Variants in SHOC2 observed in about 807,000 individuals in gnomAD.
SHOC2 encodes the protein leucine-rich repeat protein SHOC-2.
SHOC2 carries 4 observed loss-of-function variants against 50.2 expected under a neutral mutation model. The observed-to-expected ratio is 0.08, with a 90% CI of 0.04 to 0.18. The LOEUF (loss-of-function observed/expected upper bound fraction) is 0.18, where lower values mean the gene tolerates loss of function less well. Among genes scored for constraint, SHOC2 ranks in the 10% least tolerant of loss-of-function variants. SHOC2 has a pLI of 1.00. For synonymous variants in SHOC2, 218 were observed against 244.5 expected, an observed-to-expected ratio of 0.89 and a Z score of 1.01; for missense variants, 388 against 669.6, an observed-to-expected ratio of 0.58 and a Z score of 4.64.
At chr10:110,977,661 AT>A (rs1359899269) in intron 2 of SHOC2, among the ~76,000 whole-genome samples, 1 of 151,998 alleles carries the variant, frequency 6.6e-6, no homozygotes, top group Non-Finnish European at 1.5e-5. Context: ...ATACAGTTAA[AT>A]TTTTCTGTAG....
Position 111,009,706 on chromosome 10 carries a change from C to A in SHOC2, c.1423-7C>A. 6.6e-7 allele frequency: 1 copy of A among 1,525,818 alleles called. No individual in the cohort carries two copies. Among genetic ancestry groups the A allele is most frequent in the South Asian group, 1.1e-5 (1 of 89,098 alleles). The allele number at this position is 1,525,818 out of a possible 1,614,324, so 94.5% of individuals were successfully genotyped here. On this transcript the variant is annotated splice_region_variant and splice_polypyrimidine_tract_variant and intron_variant, in intron 7 of 8. Coordinates refer to ENST00000369452, the MANE Select transcript of SHOC2 (RefSeq NM_007373.4). ...TGTAACTCTCTTTTATTTTGTAAAT[C>A]TTTTAGAAATTAGTCTTGACAAACA...
intron 1 of SHOC2, among the ~76,000 whole-genome samples, chr10:110,940,940 T>TAGC (rs1847130336): frequency 2.9e-5 from 1 of 33,994 alleles, no homozygotes; most frequent in African/African-American, 1.1e-4. Context: ...TTTTTTTTTT[T>TAGC]TTTTTTTTGT....
chr10:110,933,786 C>T (rs1392166325), intron 1 of SHOC2, among the ~76,000 whole-genome samples: 1 of 152,124 alleles, frequency 6.6e-6, no homozygotes, highest in African/African-American at 2.4e-5. Context: ...TGCACTCCAG[C>T]CTAGACAATG....
At chr10:110,931,996 CAG>C (rs1203873077) in intron 1 of SHOC2, among the ~76,000 whole-genome samples, 2 of 152,056 alleles carry the variant, frequency 1.3e-5, no homozygotes, top group African/African-American at 4.8e-5. Flanking sequence ...AGTGGGAACA[CAG>C]AGGAGGTGGT....
chr10:110,978,207 C>T (rs114342011), intron 2 of SHOC2, among the ~76,000 whole-genome samples: 1,817 of 152,322 alleles, frequency 0.012, 42 homozygotes, highest in African/African-American at 0.042. Flanking sequence ...TCATATATGG[C>T]TGTTGTCTGC....
Position 111,000,492 on chromosome 10 carries a change from A to G in SHOC2, c.919A>G (p.Ser307Gly), listed in dbSNP as rs780755561. ...SAIPRSLAKC[S>G]ALEELNLENN... ...AATACCCAGATCATTAGCAAAATGC[A>G]GTGCACTTGAAGAATTAAATTTAGA... Residue 307 changes from serine to glycine, a missense_variant, in exon 4 of 9, where the codon AGT becomes GGT. This residue lies in a region of SHOC2 where 48 missense variants were observed against 151.6 expected (regional missense o/e 0.32). Transcript: ENST00000369452. 1 of 1,601,230 alleles carries G rather than the reference A, an allele frequency of 6.2e-7. No homozygotes were observed. The highest frequency in any genetic ancestry group is 1.1e-5 in the South Asian group (1 of 90,804).
chr10:110,919,751 G>C (rs1229855662), intron 1 of SHOC2, 94 bp downstream of exon 1: 3 of 396,238 alleles, frequency 7.6e-6, no homozygotes, highest in Non-Finnish European at 1.3e-5. Flanking sequence ...CTGTCGGTAG[G>C]GGGAGGCCCC....
At chr10:110,924,642 CTT>C (rs1343271165) in intron 1 of SHOC2, among the ~76,000 whole-genome samples, 2 of 152,134 alleles carry the variant, frequency 1.3e-5, no homozygotes, top group African/African-American at 4.8e-5. Context: ...TTATTTAAAA[CTT>C]CACCTTCAAC....
chr10:111,007,680 C>T, intron 6 of SHOC2, 27 bp downstream of exon 6: 1 of 1,610,272 alleles, frequency 6.2e-7, no homozygotes, highest in Non-Finnish European at 8.5e-7. Context: ...AATTAGAGAA[C>T]TTCAGAACCT....
At chr10:110,973,750 T>A (rs1847826076) in intron 2 of SHOC2, among the ~76,000 whole-genome samples, 1 of 152,050 alleles carries the variant, frequency 6.6e-6, no homozygotes, top group Non-Finnish European at 1.5e-5. Context: ...TCAGGTTTTC[T>A]ATTTGTTCTC....
At chr10:110,940,586 TATTC>T (rs1245776613) in intron 1 of SHOC2, among the ~76,000 whole-genome samples, 11 of 152,334 alleles carry the variant, frequency 7.2e-5, no homozygotes, top group African/African-American at 2.6e-4. Flanking sequence ...ATTAACAAAT[TATTC>T]AGGTGCTTCT....
At chr10:111,001,157 CTTTTT>C (rs11379743) in intron 4 of SHOC2, among the ~76,000 whole-genome samples, 1 of 129,278 alleles carries the variant, frequency 7.7e-6, no homozygotes, top group African/African-American at 2.9e-5. Context: ...AGATATAATA[CTTTTT>C]TTTTTTTTTT....
chr10:110,929,267 A>G (rs1483689893), intron 1 of SHOC2, among the ~76,000 whole-genome samples: 1 of 152,218 alleles, frequency 6.6e-6, no homozygotes, highest in Non-Finnish European at 1.5e-5. Flanking sequence ...GCAAATTGAT[A>G]ATATTTGAGT....
intron 1 of SHOC2, among the ~76,000 whole-genome samples, chr10:110,961,776 A>C (rs1430223857): frequency 1.3e-5 from 2 of 152,080 alleles, no homozygotes; most frequent in Non-Finnish European, 2.9e-5. Context: ...TTCAATGGGA[A>C]CTTTATTAAT....
chr10:110,941,635 T>C (rs770388356), intron 1 of SHOC2, among the ~76,000 whole-genome samples: 3 of 152,214 alleles, frequency 2.0e-5, no homozygotes, highest in Non-Finnish European at 4.4e-5. Flanking sequence ...TGTTGAGTTT[T>C]GAGAGTTCTT....
chr10:110,938,624 GTAATA>G (rs376501396), intron 1 of SHOC2, among the ~76,000 whole-genome samples: 1 of 152,254 alleles, frequency 6.6e-6, no homozygotes, highest in East Asian at 1.9e-4. Flanking sequence ...TATCTTCTAT[GTAATA>G]TAATAATGTA....
intron 3 of SHOC2, chr10:110,986,071 T>G: frequency 3.0e-6 from 1 of 330,298 alleles, no homozygotes. Context: ...TATTTCTGAG[T>G]TGCATGTTAT....
At chr10:110,978,384 C>T (rs146510525) in intron 2 of SHOC2, among the ~76,000 whole-genome samples, 113 of 152,198 alleles carry the variant, frequency 7.4e-4, no homozygotes, top group African/African-American at 2.6e-3. Context: ...TTCTGCTAGG[C>T]GGTTAAATTG....
At chr10:110,956,306 C>T (rs1358516034) in intron 1 of SHOC2, among the ~76,000 whole-genome samples, 2 of 152,092 alleles carry the variant, frequency 1.3e-5, no homozygotes, top group East Asian at 1.9e-4. Context: ...CTCCGCCTCC[C>T]GGGTTCAAGT....
Sources: allele counts gnomAD v4.1 joint callset (sites outside exome capture counted in the v4.1 genomes callset), GRCh38; gene constraint gnomAD v4.1.1; regional missense constraint gnomAD v4.1.1; transcripts MANE v1.5; gene names NCBI Gene and HGNC (gene_info 2026-07-23, HGNC 2026-07-21).